Variants in DAB1 observed in about 807,000 individuals in gnomAD.
DAB1 encodes the protein DAB adaptor protein 1.
Under a neutral mutation model 64.6 loss-of-function variants are expected in DAB1, and 15 were observed. The observed-to-expected ratio is 0.23, with a 90% CI of 0.16 to 0.36. The LOEUF (loss-of-function observed/expected upper bound fraction) is 0.36. Ranked by LOEUF, DAB1 falls within the 10% of genes least tolerant of loss-of-function variation. DAB1 has a pLI of 1.00. For missense variants in DAB1, 596 were observed against 706.7 expected (o/e 0.84, Z 1.78); for synonymous variants, 235 against 251.9 (o/e 0.93, Z 0.64).
At chr1:57,808,917 G>GA (rs991424768) in intron 6 of DAB1, among the ~76,000 whole-genome samples, 7 of 152,150 alleles carry the variant, frequency 4.6e-5, no homozygotes, top group African/African-American at 1.7e-4. Context: ...AGCTTTAGGA[G>GA]AAGGTGTAAC....
intron 5 of DAB1, among the ~76,000 whole-genome samples, chr1:57,983,343 A>G (rs1646113046): frequency 6.6e-6 from 1 of 152,170 alleles, no homozygotes; most frequent in Non-Finnish European, 1.5e-5. Flanking sequence ...CTTCCCAAAC[A>G]TAGGAACATC....
At chr1:57,558,112 G>A (rs1645011609) in intron 7 of DAB1, among the ~76,000 whole-genome samples, 1 of 152,146 alleles carries the variant, frequency 6.6e-6, no homozygotes, top group Non-Finnish European at 1.5e-5. Context: ...CTTGGAATGG[G>A]GATGTGTGGG....
intron 4 of DAB1, among the ~76,000 whole-genome samples, chr1:58,231,142 T>C (rs1261308327): frequency 6.6e-6 from 1 of 152,192 alleles, no homozygotes; most frequent in Non-Finnish European, 1.5e-5. Flanking sequence ...GCATTAGTTG[T>C]CATTATTGTT....
intron 6 of DAB1, among the ~76,000 whole-genome samples, chr1:57,687,616 A>AAAAAAAAAAAAAAAAC (rs1646716238): frequency 6.7e-6 from 1 of 148,738 alleles, no homozygotes; most frequent in Non-Finnish European, 1.5e-5. Context: ...AAAAAAAAAA[A>AAAAAAAAAAAAAAAAC]AAAGAAAAAA....
intron 3 of DAB1, among the ~76,000 whole-genome samples, chr1:58,399,132 AAGTCAAGTC>A (rs1644548966): frequency 6.6e-6 from 1 of 152,256 alleles, no homozygotes; most frequent in Admixed American, 6.5e-5. Context: ...TTTTACAGAT[AAGTCAAGTC>A]AGCATGGGAG....
intron 5 of DAB1, among the ~76,000 whole-genome samples, chr1:58,144,102 A>G (rs1654459556): frequency 1.3e-5 from 2 of 152,260 alleles, no homozygotes; most frequent in African/African-American, 4.8e-5. Context: ...CAGTTCATTT[A>G]GACGGGAACT....
At chr1:57,371,575 G>T (rs1315679348) in intron 1 of DAB1, among the ~76,000 whole-genome samples, 2 of 152,170 alleles carry the variant, frequency 1.3e-5, no homozygotes, top group South Asian at 4.2e-4. Flanking sequence ...TATTTACTGG[G>T]GCTCTATGAC....
chr1:58,219,931 T>C (rs1445945172), intron 4 of DAB1, among the ~76,000 whole-genome samples: 1 of 152,260 alleles, frequency 6.6e-6, no homozygotes, highest in Admixed American at 6.5e-5. Context: ...TTAGCAGGCG[T>C]ACAGCCAATA....
intron 5 of DAB1, among the ~76,000 whole-genome samples, chr1:57,945,446 A>T (rs865913325): frequency 2.1e-4 from 25 of 119,958 alleles, no homozygotes; most frequent in East Asian, 4.5e-4. Flanking sequence ...TATTATTATT[A>T]TTATTATTAT....
intron 5 of DAB1, among the ~76,000 whole-genome samples, chr1:58,085,468 A>G (rs1361274403): frequency 6.6e-6 from 1 of 151,994 alleles, no homozygotes; most frequent in African/African-American, 2.4e-5. Context: ...CCTGGGCTCA[A>G]ACAATCCTCC....
At chr1:58,241,084 C>A (rs779293051) in intron 4 of DAB1, among the ~76,000 whole-genome samples, 32 of 152,104 alleles carry the variant, frequency 2.1e-4, no homozygotes, top group South Asian at 6.2e-4. Context: ...CATATAGGGG[C>A]AAATAATCTC....
intron 2 of DAB1, among the ~76,000 whole-genome samples, chr1:57,259,554 T>C (rs1255479630): frequency 1.3e-5 from 2 of 152,098 alleles, no homozygotes; most frequent in Non-Finnish European, 2.9e-5. Context: ...GCAGCGCAGG[T>C]TCCAGAATAT....
At chr1:57,445,902 G>T (rs933958701) in intron 7 of DAB1, among the ~76,000 whole-genome samples, 1 of 151,936 alleles carries the variant, frequency 6.6e-6, no homozygotes, top group Non-Finnish European at 1.5e-5. Flanking sequence ...TTACATAATG[G>T]TACATAATGA....
At chr1:57,778,706 T>C (rs1209260923) in intron 6 of DAB1, among the ~76,000 whole-genome samples, 3 of 152,134 alleles carry the variant, frequency 2.0e-5, no homozygotes, top group African/African-American at 7.2e-5. Flanking sequence ...ATAAATAACT[T>C]CTTCTTACAT....
At chr1:57,972,483 C>T (rs1468535180) in intron 5 of DAB1, among the ~76,000 whole-genome samples, 1 of 152,090 alleles carries the variant, frequency 6.6e-6, no homozygotes, top group African/African-American at 2.4e-5. Context: ...CCTCAAGTGG[C>T]CCTCCCACCT....
intron 5 of DAB1, among the ~76,000 whole-genome samples, chr1:58,085,948 A>ATC (rs1277468226): frequency 8.3e-4 from 114 of 137,828 alleles, no homozygotes; most frequent in South Asian, 8.0e-3. Flanking sequence ...CTGTGGGCTG[A>ATC]TCTCTCTCTC....
chr1:58,226,621 C>T (rs1659497796), intron 4 of DAB1, among the ~76,000 whole-genome samples: 2 of 152,312 alleles, frequency 1.3e-5, no homozygotes, highest in African/African-American at 4.8e-5. Context: ...AAATATCATC[C>T]ACCTCCTCAA....
chr1:57,075,368 C>T lies in DAB1; in HGVS notation c.307-2954G>A, dbSNP rs142697070. Among the ~76,000 whole-genome samples the T allele has an allele frequency of 1.9e-3, 289 of 152,158 alleles. 1 individual carries two copies. Among genetic ancestry groups the T allele is most frequent in the Non-Finnish European group, 3.2e-3 (218 of 67,996 alleles). ...TGCAGAGTGTAGCTGTGTGTGTGAG[C>T]GTGAAGTGCTTAAAGATATTTGTAA... is the stretch of plus-strand genomic sequence containing the variant. On this transcript the variant is annotated intron_variant, in intron 4 of 14. Coordinates refer to ENST00000371236, the MANE Select transcript of DAB1 (RefSeq NM_001365792.1).
intron 2 of DAB1, among the ~76,000 whole-genome samples, chr1:57,209,194 G>C (rs566177220): frequency 6.6e-6 from 1 of 152,182 alleles, no homozygotes; most frequent in African/African-American, 2.4e-5. Context: ...CATGAGGGAT[G>C]GTGATTCTTC....
Sources: allele counts gnomAD v4.1 joint callset (sites outside exome capture counted in the v4.1 genomes callset), GRCh38; gene constraint gnomAD v4.1.1; transcripts MANE v1.5; gene names NCBI Gene and HGNC (gene_info 2026-07-23, HGNC 2026-07-21).